The following TENM3 variants were observed in gnomAD, a reference collection of about 807,000 sequenced individuals.
TENM3 encodes the protein teneurin transmembrane protein 3, also known as teneurin-3.
In TENM3, 63 loss-of-function variants were observed where a neutral mutation model predicts 255.1. The observed-to-expected ratio is 0.25, with a 90% confidence interval of 0.20 to 0.30. The LOEUF is 0.30. TENM3 is among the 10% of genes least tolerant of loss of function. The pLI is 1.00. For synonymous variants in TENM3, 1,306 were observed against 1,322.3 expected (o/e 0.99, Z 0.27); for missense variants, 2,929 against 3,461.1 (o/e 0.85, Z 3.86).
chr4:182,738,359 C>G, intron 17 of TENM3, 42 bp from the exon 18 acceptor site: 3 of 1,522,252 alleles, frequency 2.0e-6, no homozygotes, highest in Non-Finnish European at 1.8e-6. Flanking sequence ...TGCATTTCCC[C>G]CAGTCGTTGG....
At chr4:182,570,872 G>A (rs185311107) in intron 3 of TENM3, among the ~76,000 whole-genome samples, 32 of 152,060 alleles carry the variant, frequency 2.1e-4, no homozygotes, top group Admixed American at 9.8e-4. Context: ...GAGCCAATGA[G>A]CAAACTATGG....
intron 3 of TENM3, among the ~76,000 whole-genome samples, chr4:182,596,133 A>C (rs1056328266): frequency 6.6e-6 from 1 of 152,160 alleles, no homozygotes; most frequent in Non-Finnish European, 1.5e-5. Flanking sequence ...CAGAAGATCC[A>C]AAAAAATTTG....
At chr4:181,572,883 C>T in the TENM3 span, among the ~76,000 whole-genome samples, 2 of 152,068 alleles carry the variant, frequency 1.3e-5, no homozygotes, top group Non-Finnish European at 2.9e-5. Context: ...CCCAGTCACC[C>T]CACCCTTCAC....
At chr4:181,477,092 A>G in the TENM3 span, among the ~76,000 whole-genome samples, 2 of 152,170 alleles carry the variant, frequency 1.3e-5, no homozygotes, top group Non-Finnish European at 2.9e-5. Context: ...TCATTCATTC[A>G]TTCATTCATT....
At chr4:182,424,698 G>A (rs1053697110) in intron 3 of TENM3, among the ~76,000 whole-genome samples, 2 of 152,152 alleles carry the variant, frequency 1.3e-5, no homozygotes, top group African/African-American at 4.8e-5. Context: ...GGAAAAGTAA[G>A]TGTGTTTGCT....
chr4:181,664,060 G>A, the TENM3 span, among the ~76,000 whole-genome samples: 2 of 152,126 alleles, frequency 1.3e-5, no homozygotes, highest in Non-Finnish European at 1.5e-5. Flanking sequence ...CTGGCCTCTG[G>A]AGCTCGACCA....
At chr4:182,053,617 A>G in the TENM3 span, among the ~76,000 whole-genome samples, 1 of 152,184 alleles carries the variant, frequency 6.6e-6, no homozygotes, top group Non-Finnish European at 1.5e-5. Flanking sequence ...GCTTTGCCTG[A>G]GTCCTTTGCA....
chr4:182,209,340 C>T lies in TENM3; in HGVS notation c.-76+64586C>T, dbSNP rs189898665. Reference sequence around the variant, plus strand: ...GCCATGCTCTACCTCCCATCCCATCCCCCACACTCAAGGCAGGTGCTTCCC... The same window carrying T: ...GCCATGCTCTACCTCCCATCCCATCTCCCACACTCAAGGCAGGTGCTTCCC... On this transcript the variant is annotated intron_variant, in intron 1 of 2. Transcript: ENST00000512480. 5.6e-4 allele frequency among the ~76,000 whole-genome samples: 85 copies of T among 151,954 alleles called. No homozygotes were observed. In the East Asian group the frequency reaches 0.016, roughly 28 times the overall value.
the TENM3 span, among the ~76,000 whole-genome samples, chr4:181,845,693 T>A: frequency 6.6e-6 from 1 of 152,218 alleles, no homozygotes; most frequent in Non-Finnish European, 1.5e-5. Flanking sequence ...CTTCCTGGAT[T>A]CATGCATTTA....
chr4:181,600,573 T>A, the TENM3 span, among the ~76,000 whole-genome samples: 1 of 151,454 alleles, frequency 6.6e-6, no homozygotes, highest in Non-Finnish European at 1.5e-5. Context: ...TAGTCCTAAG[T>A]ACCTCTCAAA....
the TENM3 span, among the ~76,000 whole-genome samples, chr4:181,605,584 G>GAAAGATAGAAA: frequency 2.9e-5 from 2 of 69,142 alleles, no homozygotes; most frequent in Non-Finnish European, 3.0e-5. Flanking sequence ...GAGAAAGAAA[G>GAAAGATAGAAA]GAAAGAAAGA....
the TENM3 span, among the ~76,000 whole-genome samples, chr4:181,534,035 G>T: frequency 6.6e-6 from 1 of 152,174 alleles, no homozygotes; most frequent in African/African-American, 2.4e-5. Flanking sequence ...AGACTAGGGA[G>T]AACTAAGTGG....
Position 182,773,512 on chromosome 4 carries a change from A to G in TENM3, c.4933A>G (p.Thr1645Ala), listed in dbSNP as rs776162932. The change falls in exon 23 of 28, where the codon ACT becomes GCT. Residue 1645 changes from threonine to alanine, a missense_variant. Around this residue, in one of 6 missense-constraint regions of TENM3, gnomAD observed 1,608 missense variants for 1,884.4 expected, o/e 0.85. Transcript: ENST00000511685. ...TCGTCTGACAAATGTTACGTTTCCAACTGGAGTGGTCACAAACCTGCATGG... is the reference window on the plus strand; with the variant it reads ...TCGTCTGACAAATGTTACGTTTCCAGCTGGAGTGGTCACAAACCTGCATGG... ...EGRLTNVTFP[T>A]GVVTNLHGDM... 6.2e-7 allele frequency: 1 copy of G among 1,613,690 alleles called. No homozygotes were observed. The highest frequency in any genetic ancestry group is 1.1e-5 in the South Asian group (1 of 90,950).
At chr4:182,727,540 C>T (rs1228091547) in intron 13 of TENM3, among the ~76,000 whole-genome samples, 3 of 151,894 alleles carry the variant, frequency 2.0e-5, no homozygotes, top group Non-Finnish European at 4.4e-5. Context: ...TGATCATAAC[C>T]TGAAACACTC....
chr4:182,533,724 G>A (rs1740005244), intron 3 of TENM3, among the ~76,000 whole-genome samples: 2 of 151,904 alleles, frequency 1.3e-5, no homozygotes, highest in South Asian at 4.2e-4. Context: ...GACCAGCCTG[G>A]CCAAGATAGT....
At chr4:181,567,657 A>C in the TENM3 span, among the ~76,000 whole-genome samples, 1 of 152,352 alleles carries the variant, frequency 6.6e-6, no homozygotes, top group Non-Finnish European at 1.5e-5. Context: ...ATTAAGAATA[A>C]AGCAGAAAAA....
intron 1 of TENM3, among the ~76,000 whole-genome samples, chr4:182,178,492 A>T (rs1444142659): frequency 6.6e-6 from 1 of 152,198 alleles, no homozygotes. Flanking sequence ...ATATGAACCT[A>T]CAAACACACG....
intron 2 of TENM3, among the ~76,000 whole-genome samples, chr4:182,337,435 G>A (rs1304214608): frequency 6.6e-6 from 1 of 152,144 alleles, no homozygotes; most frequent in East Asian, 1.9e-4. Flanking sequence ...TAATAAGCCT[G>A]TGGAAAATGC....
chr4:181,490,556 T>G, the TENM3 span, among the ~76,000 whole-genome samples: 112 of 152,250 alleles, frequency 7.4e-4, no homozygotes, highest in South Asian at 3.5e-3. Flanking sequence ...ATTGCCCTAA[T>G]CCCGAGCAAG....
Sources: allele counts gnomAD v4.1 joint callset (sites outside exome capture counted in the v4.1 genomes callset), GRCh38; gene constraint gnomAD v4.1.1; regional missense constraint gnomAD v4.1.1; transcripts MANE v1.5; gene names NCBI Gene and HGNC (gene_info 2026-07-23, HGNC 2026-07-21).